Variants in FHAD1 observed in about 807,000 individuals in gnomAD.
The protein encoded by FHAD1 is forkhead associated phosphopeptide binding domain 1.
A neutral mutation model predicts 191.3 loss-of-function variants in FHAD1; 146 were observed. That is an observed-to-expected ratio of 0.76 (90% CI 0.67 to 0.88). The LOEUF is 0.88. Among genes scored for constraint, FHAD1 ranks in the 40% least tolerant of loss-of-function variants. The pLI, the probability that FHAD1 is intolerant of heterozygous loss-of-function variation, is 0.00. For missense variants in FHAD1, 1,635 were observed against 1,785.8 expected (o/e 0.92, Z 1.52); for synonymous variants, 616 against 672.3 (o/e 0.92, Z 1.29).
At chr1:15,352,842 GC>G in intron 19 of FHAD1, 34 bp from the exon 20 acceptor site, 2 of 1,470,178 alleles carry the variant, frequency 1.4e-6, no homozygotes, top group Non-Finnish European at 9.3e-7. Context: ...CCCTTTGAGG[GC>G]ACAGGCCCTC....
At chr1:15,273,385 G>C (rs1656949150) in intron 3 of FHAD1, among the ~76,000 whole-genome samples, 1 of 152,080 alleles carries the variant, frequency 6.6e-6, no homozygotes, top group Non-Finnish European at 1.5e-5. Flanking sequence ...CATGTCCAAA[G>C]TACATCATTT....
At chr1:15,275,414 G>A (rs1209332488) in intron 3 of FHAD1, among the ~76,000 whole-genome samples, 2 of 152,142 alleles carry the variant, frequency 1.3e-5, no homozygotes, top group South Asian at 2.1e-4. Flanking sequence ...ACAGCAGCCC[G>A]AGCGTTTCCA....
In FHAD1 at chr1:15,316,404, A is replaced by G; in HGVS notation, c.1197A>G (p.Lys399=). The G allele has an allele frequency of 5.8e-6, 9 of 1,551,730 alleles. No individual in the cohort carries two copies. The highest frequency in any genetic ancestry group is 7.8e-6 in the Non-Finnish European group (9 of 1,147,002). ...SRCSVLKEEL[K]QEDAHRELRE... ...GCTCGGTGCTAAAGGAAGAGTTAAA[A>G]CAGGAAGATGCTCACAGGGAGCTCA... The change falls in exon 9 of 34, where the codon AAA becomes AAG. Residue 399 remains lysine, a synonymous_variant. Coordinates refer to ENST00000688493, the MANE Select transcript of FHAD1 (RefSeq NM_001391957.1). This position sits in a 1 kb window ranked among gnomAD's most constrained non-coding sequence, Gnocchi z 4.3.
In FHAD1 at chr1:15,360,667, GAA is replaced by G; in HGVS notation, c.2927_2928del (p.Glu976GlyfsTer10). On this transcript the variant is annotated frameshift_variant, in exon 22 of 34. Coordinates refer to ENST00000688493, the MANE Select transcript of FHAD1 (RefSeq NM_001391957.1). LOFTEE classifies it high-confidence loss of function. ...QKVTQHHKKIEGEIATLKDND... is the reference protein window; with the variant it reads ...QKVTQHHKKIXGEIATLKDND... ...AGTCACTCAGCACCATAAAAAAATA[GAA>G]GGCGAGATTGCAACATTGAAGGACA... 3 of 1,551,796 alleles carry G rather than the reference GAA, an allele frequency of 1.9e-6. No individual in the cohort carries two copies. Among genetic ancestry groups the G allele is most frequent in the Non-Finnish European group, 2.6e-6 (3 of 1,147,008 alleles).
At chr1:15,293,065 G>T (rs781352638) in intron 4 of FHAD1, among the ~76,000 whole-genome samples, 1 of 152,216 alleles carries the variant, frequency 6.6e-6, no homozygotes, top group Non-Finnish European at 1.5e-5. Context: ...CTATATAGGG[G>T]CATGAATACA....
chr1:15,362,521 C>T, intron 22 of FHAD1, 121 bp from the exon 23 acceptor site: 1 of 767,376 alleles, frequency 1.3e-6, no homozygotes, highest in Non-Finnish European at 2.2e-6. Context: ...GCAGGTCTCA[C>T]AAGGTGGAGA....
At chr1:15,241,200 A>G (rs1409273266) in intron 1 of FHAD1, among the ~76,000 whole-genome samples, 1 of 152,220 alleles carries the variant, frequency 6.6e-6, no homozygotes, top group Non-Finnish European at 1.5e-5. Context: ...TAACCAATAC[A>G]ATGGAATACG....
upstream of FHAD1, among the ~76,000 whole-genome samples, chr1:15,243,869 C>A (rs1645687015): frequency 6.6e-6 from 1 of 152,130 alleles, no homozygotes; most frequent in East Asian, 1.9e-4. Context: ...AGGGGAAATA[C>A]CTTCCTTGTC....
intron 3 of FHAD1, among the ~76,000 whole-genome samples, chr1:15,288,286 C>T (rs1663216631): frequency 6.6e-6 from 1 of 152,236 alleles, no homozygotes; most frequent in Admixed American, 6.5e-5. Context: ...AACCACTAGG[C>T]ACCAGGGAGA....
rs187559872 is a variant in FHAD1 at position 15,240,685 on chromosome 1, G to A, written c.-15+3924G>A. On this transcript the variant is annotated intron_variant, in intron 1 of 33. Coordinates refer to the FHAD1 transcript ENST00000683790. ...AAAAAGAAAGCAGATCGGGCCGGGCGTGGTGGCTCATGCCTGTAATCCCAG... is the reference window on the plus strand; with the variant it reads ...AAAAAGAAAGCAGATCGGGCCGGGCATGGTGGCTCATGCCTGTAATCCCAG... 4.1e-3 allele frequency among the ~76,000 whole-genome samples: 624 copies of A among 151,206 alleles called. 5 individuals are homozygous for A. Among genetic ancestry groups the A allele is most frequent in the African/African-American group, 0.014 (594 of 41,302 alleles).
At chr1:15,376,131 C>T (rs1699595098) in intron 28 of FHAD1, among the ~76,000 whole-genome samples, 1 of 145,528 alleles carries the variant, frequency 6.9e-6, no homozygotes, top group Non-Finnish European at 1.5e-5. Context: ...GCTCTGTCAC[C>T]CAGGCTGGAG....
chr1:15,300,018 A>G (rs534703813), intron 5 of FHAD1, among the ~76,000 whole-genome samples: 2 of 152,162 alleles, frequency 1.3e-5, no homozygotes, highest in South Asian at 4.1e-4. Flanking sequence ...GAAACTGCCC[A>G]CCCGCTTCCT....
intron 4 of FHAD1, among the ~76,000 whole-genome samples, chr1:15,291,900 G>A (rs1405437845): frequency 1.3e-5 from 2 of 152,166 alleles, no homozygotes; most frequent in African/African-American, 4.8e-5. Context: ...GTCTCCTCAT[G>A]AAATGGCTGC....
At chr1:15,248,195 C>A (rs1180198609) in intron 1 of FHAD1, among the ~76,000 whole-genome samples, 1 of 152,098 alleles carries the variant, frequency 6.6e-6, no homozygotes. Flanking sequence ...TTACTGAGCA[C>A]CACTATGTGT....
At chr1:15,350,524 C>T (rs1283262094) in intron 19 of FHAD1, among the ~76,000 whole-genome samples, 1 of 152,192 alleles carries the variant, frequency 6.6e-6, no homozygotes, top group South Asian at 2.1e-4. Flanking sequence ...TGGGAGGCAC[C>T]AGGGCGCAGT....
chr1:15,321,581 A>T (rs1393812593), intron 10 of FHAD1, among the ~76,000 whole-genome samples: 2 of 151,426 alleles, frequency 1.3e-5, no homozygotes, highest in African/African-American at 4.9e-5. Flanking sequence ...CATTATTAAT[A>T]TTTTTCTAGA....
intron 16 of FHAD1, among the ~76,000 whole-genome samples, chr1:15,344,302 T>C (rs1305099718): frequency 6.6e-6 from 1 of 152,246 alleles, no homozygotes; most frequent in Non-Finnish European, 1.5e-5. Context: ...CTCATGAATC[T>C]TGACTTGTTT....
intron 4 of FHAD1, among the ~76,000 whole-genome samples, chr1:15,290,770 G>A (rs1558017591): frequency 6.6e-6 from 1 of 151,386 alleles, no homozygotes; most frequent in Non-Finnish European, 1.5e-5. Flanking sequence ...CGGCAGTGGT[G>A]CCATCTCAGC....
intron 3 of FHAD1, among the ~76,000 whole-genome samples, chr1:15,275,376 G>A (rs1345980950): frequency 2.0e-5 from 3 of 152,128 alleles, no homozygotes; most frequent in African/African-American, 7.2e-5. Context: ...CCAGACATCT[G>A]CCCCCTGGCC....
Sources: gnomAD v4.1 joint callset for allele counts (sites outside exome capture counted in the v4.1 genomes callset) on GRCh38, gnomAD v4.1.1 for gene constraint, Gnocchi (gnomAD v3.1) non-coding constraint, MANE v1.5 for transcripts, NCBI Gene and HGNC (gene_info 2026-07-23, HGNC 2026-07-21) for gene names.